The following GRIP1 variants were observed in gnomAD, a reference collection of about 807,000 sequenced individuals.
GRIP1 encodes the protein glutamate receptor-interacting protein 1.
In GRIP1, 45 loss-of-function variants were observed where a neutral mutation model predicts 129.9. The ratio of observed to expected loss-of-function variants is 0.35; its 90% CI spans 0.27 to 0.44. GRIP1 has a LOEUF of 0.44. Among genes scored for constraint, GRIP1 ranks in the 20% least tolerant of loss-of-function variants. GRIP1 has a pLI of 1.00. For synonymous variants in GRIP1, 530 were observed against 520.8 expected (o/e 1.02, Z -0.24); for missense variants, 1,196 against 1,396.8 (o/e 0.86, Z 2.29).
At chr12:66,491,043 A>C (rs554029216) in intron 7 of GRIP1, among the ~76,000 whole-genome samples, 6 of 152,320 alleles carry the variant, frequency 3.9e-5, no homozygotes, top group African/African-American at 1.2e-4. Flanking sequence ...ATTGTGGAAG[A>C]CAGTGTGGCA....
intron 22 of GRIP1, among the ~76,000 whole-genome samples, chr12:66,372,756 G>GAA (rs35922443): frequency 0.014 from 2,076 of 145,998 alleles, 106 homozygotes; most frequent in Admixed American, 0.092. Context: ...CTCAGAACTG[G>GAA]AAAAAAAAAA....
intron 11 of GRIP1, among the ~76,000 whole-genome samples, chr12:66,447,094 A>C (rs1045356394): frequency 1.2e-4 from 18 of 152,104 alleles, no homozygotes; most frequent in African/African-American, 4.3e-4. Context: ...GGAATGGGAG[A>C]CCCCTGAGGT....
At chr12:66,350,708 A>G (rs922349672) in intron 24 of GRIP1, among the ~76,000 whole-genome samples, 1 of 152,160 alleles carries the variant, frequency 6.6e-6, no homozygotes, top group African/African-American at 2.4e-5. Flanking sequence ...CAATGTGCTG[A>G]AAATATTAAA....
intron 1 of GRIP1, among the ~76,000 whole-genome samples, chr12:66,636,621 A>G (rs2031399160): frequency 1.3e-5 from 2 of 151,940 alleles, no homozygotes; most frequent in Non-Finnish European, 2.9e-5. Flanking sequence ...TAGGGCCTTT[A>G]AGGAGCTGAT....
chr12:66,872,951 A>G (rs1036930839), intron 1 of GRIP1, among the ~76,000 whole-genome samples: 1 of 152,088 alleles, frequency 6.6e-6, no homozygotes, highest in Non-Finnish European at 1.5e-5. Context: ...GAAGAATTGA[A>G]GAGTGACTTA....
chr12:66,350,779 G>A (rs924521241), intron 24 of GRIP1, among the ~76,000 whole-genome samples: 1 of 152,156 alleles, frequency 6.6e-6, no homozygotes, highest in African/African-American at 2.4e-5. Context: ...CTCCTTGCCT[G>A]TGATCTTCTC....
intron 15 of GRIP1, among the ~76,000 whole-genome samples, chr12:66,409,026 T>C (rs1035418999): frequency 4.6e-5 from 7 of 152,260 alleles, no homozygotes; most frequent in Admixed American, 3.3e-4. Context: ...GGTAGATTCC[T>C]AAGGTTTTTG....
intron 1 of GRIP1, among the ~76,000 whole-genome samples, chr12:66,673,859 C>G (rs138565432): frequency 1.3e-5 from 2 of 152,232 alleles, no homozygotes; most frequent in African/African-American, 4.8e-5. Context: ...ATAGATGAAA[C>G]TCCAATAAAA....
intron 1 of GRIP1, among the ~76,000 whole-genome samples, chr12:66,874,964 T>C (rs1168134244): frequency 1.3e-5 from 2 of 152,084 alleles, no homozygotes. Context: ...ATTTCATGTA[T>C]ACATACCCTG....
chr12:66,774,408 G>T (rs530285192), intron 1 of GRIP1, among the ~76,000 whole-genome samples: 1 of 152,268 alleles, frequency 6.6e-6, no homozygotes, highest in African/African-American at 2.4e-5. Context: ...TGACACAACT[G>T]AATTAATGTG....
At chr12:66,602,309 T>C (rs1415328501) in intron 1 of GRIP1, among the ~76,000 whole-genome samples, 2 of 152,200 alleles carry the variant, frequency 1.3e-5, no homozygotes, top group African/African-American at 4.8e-5. Context: ...TCCTGAAGGA[T>C]AACTGTTAAG....
intron 7 of GRIP1, among the ~76,000 whole-genome samples, chr12:66,468,197 C>CTTAAAAAGAATGGCTG (rs994922379): frequency 5.3e-5 from 8 of 152,134 alleles, no homozygotes; most frequent in Non-Finnish European, 8.8e-5. Context: ...AGGATGTGCT[C>CTTAAAAAGAATGGCTG]TTAAAAAGAA....
At chr12:67,017,505 T>C (rs2042805633) in intron 1 of GRIP1, among the ~76,000 whole-genome samples, 2 of 147,342 alleles carry the variant, frequency 1.4e-5, no homozygotes, top group African/African-American at 5.0e-5. Context: ...GTGTGGCAAA[T>C]TAAATATGGT....
chr12:66,847,607 C>T (rs1252749506), intron 1 of GRIP1, among the ~76,000 whole-genome samples: 2 of 151,824 alleles, frequency 1.3e-5, no homozygotes, highest in African/African-American at 4.8e-5. Flanking sequence ...GTAAAATGGC[C>T]GATTTCATAT....
rs1221442583 is a variant in GRIP1 at position 66,817,799 on chromosome 12, AACT to A, written c.59-220875_59-220873del. 3.9e-5 allele frequency among the ~76,000 whole-genome samples: 6 copies of A among 152,260 alleles called. No individual in the cohort carries two copies. In the East Asian group the frequency reaches 7.7e-4, roughly 19 times the overall value. On this transcript the variant is annotated intron_variant, in intron 1 of 1. Coordinates refer to the GRIP1 transcript ENST00000643019. Reference sequence around the variant, plus strand: ...ATAAGTCAAATATTTTATGAAAAATAACTACATTTCTCAAATTAAAAAATGCCT... The same window carrying A: ...ATAAGTCAAATATTTTATGAAAAATAACATTTCTCAAATTAAAAAATGCCT...
chr12:67,036,473 G>A (rs1007657398), intron 1 of GRIP1, among the ~76,000 whole-genome samples: 3 of 151,754 alleles, frequency 2.0e-5, no homozygotes, highest in Non-Finnish European at 4.4e-5. Flanking sequence ...GATTACAGGT[G>A]CCCACCACTA....
chr12:66,455,306 T>G, intron 11 of GRIP1, 103 bp downstream of exon 11: 1 of 1,057,608 alleles, frequency 9.5e-7, no homozygotes, highest in Non-Finnish European at 1.5e-6. Context: ...CCTGATCACT[T>G]AAGCAACTGT....
intron 1 of GRIP1, among the ~76,000 whole-genome samples, chr12:67,011,890 A>C (rs558080299): frequency 6.6e-6 from 1 of 152,224 alleles, no homozygotes; most frequent in Non-Finnish European, 1.5e-5. Flanking sequence ...GTTGTAGTAC[A>C]AAAGCAAAAG....
intron 1 of GRIP1, among the ~76,000 whole-genome samples, chr12:66,984,545 C>A (rs913045726): frequency 5.3e-5 from 8 of 152,156 alleles, no homozygotes; most frequent in Non-Finnish European, 1.2e-4. Context: ...TTAATCCTCA[C>A]AACAACTCTA....
Sources: gnomAD v4.1 joint callset for allele counts (sites outside exome capture counted in the v4.1 genomes callset) on GRCh38, gnomAD v4.1.1 for gene constraint, MANE v1.5 for transcripts, NCBI Gene and HGNC (gene_info 2026-07-23, HGNC 2026-07-21) for gene names.